ZMAT4: variants seen among roughly 807,000 people sequenced by gnomAD.
The protein encoded by ZMAT4 is zinc finger matrin-type 4.
In ZMAT4, 17 loss-of-function variants were observed where a neutral mutation model predicts 28.7. The ratio of observed to expected loss-of-function variants is 0.59; its 90% CI spans 0.41 to 0.89. The LOEUF is 0.89. Among genes scored for constraint, ZMAT4 ranks in the 40% least tolerant of loss-of-function variants. The pLI, the probability that ZMAT4 is intolerant of heterozygous loss-of-function variation, is 0.00. For missense variants in ZMAT4, 240 were observed against 283.8 expected (o/e 0.85, Z 1.11); for synonymous variants, 117 against 109.2 (o/e 1.07, Z -0.44).
intron 2 of ZMAT4, among the ~76,000 whole-genome samples, chr8:40,782,976 A>T (rs1252585729): frequency 1.3e-5 from 2 of 152,224 alleles, no homozygotes; most frequent in Non-Finnish European, 2.9e-5. Context: ...GGAACATAAA[A>T]TGGTGTGGCC....
At chr8:40,727,803 G>A (rs1811372249) in intron 3 of ZMAT4, among the ~76,000 whole-genome samples, 1 of 142,338 alleles carries the variant, frequency 7.0e-6, no homozygotes, top group Non-Finnish European at 1.5e-5. Flanking sequence ...TCGATCTTAA[G>A]AGGTTAAGAC....
At chr8:40,740,835 G>A (rs1430841444) in intron 3 of ZMAT4, among the ~76,000 whole-genome samples, 1 of 152,116 alleles carries the variant, frequency 6.6e-6, no homozygotes. Flanking sequence ...AGAAATGTGT[G>A]AACTGATTTT....
intron 6 of ZMAT4, among the ~76,000 whole-genome samples, chr8:40,560,366 T>A (rs530884896): frequency 2.6e-5 from 4 of 152,088 alleles, no homozygotes; most frequent in Non-Finnish European, 5.9e-5. Context: ...AGAAATATAT[T>A]TTTTCATTTT....
chr8:40,611,942 A>G (rs1209519806), intron 5 of ZMAT4, among the ~76,000 whole-genome samples: 3 of 152,220 alleles, frequency 2.0e-5, no homozygotes, highest in Non-Finnish European at 4.4e-5. Context: ...TTTTCCATCA[A>G]GAATTTTTGT....
intron 3 of ZMAT4, among the ~76,000 whole-genome samples, chr8:40,703,483 C>T (rs952955392): frequency 2.0e-5 from 3 of 152,122 alleles, no homozygotes; most frequent in African/African-American, 7.2e-5. Context: ...CACAAAAGAC[C>T]ACATAATGTA....
chr8:40,646,673 T>C lies in ZMAT4; in HGVS notation c.577+28031A>G, dbSNP rs552705412. The stretch of plus-strand genomic sequence containing the variant: ...AATTCATCAGCTATAAACATATATG[T>C]ACCTAAGAATAGAGCCCCAAAAGTA... On this transcript the variant is annotated intron_variant, in intron 5 of 6. Transcript: ENST00000297737. 4.6e-5 allele frequency among the ~76,000 whole-genome samples: 7 copies of C among 152,290 alleles called. No homozygotes were observed. The East Asian group carries it at 1.4e-3, about 29-fold the overall frequency.
chr8:40,565,775 A>G (rs1389331066), intron 6 of ZMAT4, among the ~76,000 whole-genome samples: 6 of 145,124 alleles, frequency 4.1e-5, no homozygotes, highest in Admixed American at 6.9e-5. Context: ...TTTTTTTTTA[A>G]TAAGAGCTCC....
chr8:40,652,860 A>ACTCACAC (rs1807739733), intron 5 of ZMAT4, among the ~76,000 whole-genome samples: 2 of 142,142 alleles, frequency 1.4e-5, no homozygotes, highest in South Asian at 4.7e-4. Context: ...ACATATTCTC[A>ACTCACAC]CTCATAGGTG....
intron 4 of ZMAT4, among the ~76,000 whole-genome samples, chr8:40,695,404 G>C (rs1809835403): frequency 6.6e-6 from 1 of 152,174 alleles, no homozygotes. Context: ...ATGGATGGGA[G>C]GGCAAGCTGC....
chr8:40,550,467 C>A (rs1803333538), intron 6 of ZMAT4, among the ~76,000 whole-genome samples: 1 of 152,134 alleles, frequency 6.6e-6, no homozygotes, highest in Non-Finnish European at 1.5e-5. Context: ...ACACAATGAC[C>A]ATCTGTCAAG....
At chr8:40,826,346 T>C (rs1055147915) in intron 1 of ZMAT4, among the ~76,000 whole-genome samples, 2 of 152,192 alleles carry the variant, frequency 1.3e-5, no homozygotes, top group African/African-American at 4.8e-5. Flanking sequence ...TATAGCATTA[T>C]ACAAAATTTG....
At chr8:40,847,922 G>A (rs576506806) in intron 1 of ZMAT4, among the ~76,000 whole-genome samples, 92 of 152,260 alleles carry the variant, frequency 6.0e-4, no homozygotes, top group Non-Finnish European at 1.2e-3. Flanking sequence ...CACAGATTAC[G>A]TGAAATCATT....
chr8:40,785,793 C>A (rs936106465), intron 2 of ZMAT4, among the ~76,000 whole-genome samples: 4 of 152,194 alleles, frequency 2.6e-5, no homozygotes, highest in Non-Finnish European at 5.9e-5. Context: ...TTGGGCACCA[C>A]ATTATGCAGT....
chr8:40,894,802 G>A (rs1478533689), intron 1 of ZMAT4, among the ~76,000 whole-genome samples: 1 of 151,638 alleles, frequency 6.6e-6, no homozygotes, highest in Non-Finnish European at 1.5e-5. Flanking sequence ...CATTGTAAAA[G>A]CGTTTACCAA....
chr8:40,865,182 G>C (rs560514287), intron 1 of ZMAT4, among the ~76,000 whole-genome samples: 2 of 152,136 alleles, frequency 1.3e-5, no homozygotes. Flanking sequence ...CATTCTCAAC[G>C]GCTTGTAGCA....
chr8:40,779,264 C>T (rs149541416), intron 2 of ZMAT4, among the ~76,000 whole-genome samples: 25 of 152,192 alleles, frequency 1.6e-4, no homozygotes, highest in African/African-American at 4.6e-4. Flanking sequence ...ACCATGATTG[C>T]GAGGCCTCCC....
chr8:40,827,890 C>T (rs544869235), intron 1 of ZMAT4, among the ~76,000 whole-genome samples: 25 of 152,304 alleles, frequency 1.6e-4, no homozygotes, highest in Admixed American at 2.6e-4. Context: ...AGTTTTCATT[C>T]AGTGATTCTG....
chr8:40,658,939 G>A (rs948042683), intron 5 of ZMAT4, among the ~76,000 whole-genome samples: 2 of 152,074 alleles, frequency 1.3e-5, no homozygotes, highest in African/African-American at 4.8e-5. Context: ...TCAAGTAGAT[G>A]ATTTTTATAT....
At chr8:40,827,090 C>A (rs1816084621) in intron 1 of ZMAT4, among the ~76,000 whole-genome samples, 1 of 152,200 alleles carries the variant, frequency 6.6e-6, no homozygotes, top group Non-Finnish European at 1.5e-5. Context: ...CATTGCTAGT[C>A]ATTTGCATAG....
Sources: gnomAD v4.1 joint callset for allele counts (sites outside exome capture counted in the v4.1 genomes callset) on GRCh38, gnomAD v4.1.1 for gene constraint, MANE v1.5 for transcripts, NCBI Gene and HGNC (gene_info 2026-07-23, HGNC 2026-07-21) for gene names.